Variants in ADGRB3 observed in about 807,000 individuals in gnomAD.
ADGRB3 encodes the protein brain-specific angiogenesis inhibitor 3.
In ADGRB3, 37 loss-of-function variants were observed where a neutral mutation model predicts 193.4. The observed-to-expected ratio is 0.19, with a 90% CI of 0.15 to 0.25. The LOEUF is 0.25. Ranked by LOEUF, ADGRB3 falls within the 10% of genes least tolerant of loss-of-function variation. The pLI is 1.00. For synonymous variants in ADGRB3, 690 were observed against 644.2 expected, an observed-to-expected ratio of 1.07 and a Z score of -1.08; for missense variants, 1,637 against 1,852.9, an observed-to-expected ratio of 0.88 and a Z score of 2.14.
intron 17 of ADGRB3, among the ~76,000 whole-genome samples, chr6:69,184,377 A>G (rs1433243912): frequency 2.0e-5 from 3 of 152,110 alleles, no homozygotes; most frequent in African/African-American, 7.2e-5. Context: ...TCCAACGCTA[A>G]TAAAAGTCAA....
chr6:69,223,055 A>G (rs1245148447), intron 17 of ADGRB3, among the ~76,000 whole-genome samples: 2 of 152,226 alleles, frequency 1.3e-5, no homozygotes, highest in South Asian at 2.1e-4. Context: ...TTTTCTCTCT[A>G]CTACTAATAT....
In ADGRB3 at chr6:68,818,337, A is replaced by T. The variant is rs1767675830; in HGVS notation, c.758-112222A>T. On this transcript the variant is annotated intron_variant, in intron 3 of 31. Transcript: ENST00000370598. ...TCATTGCCCACCTCCATTAATGAGG[A>T]TTGAGGGATCCCAGAGCTGAAAGCA... Among the ~76,000 whole-genome samples the T allele has an allele frequency of 2.0e-5, 3 of 151,982 alleles. No individual in the cohort carries two copies. In the South Asian group the frequency reaches 6.2e-4, roughly 31 times the overall value.
rs751908348 is a variant in ADGRB3 at position 69,388,774 on chromosome 6, A to C, written c.4452A>C (p.Thr1484=). The C allele has an allele frequency of 6.2e-7, 1 of 1,613,568 alleles. No homozygotes were observed. The highest frequency in any genetic ancestry group is 1.1e-5 in the South Asian group (1 of 91,072). Reference sequence around the variant, plus strand: ...CCAGTGAATACCCGCATTACACCACAATCAATGTCTTAGACACAGAGGCAA... The same window carrying C: ...CCAGTGAATACCCGCATTACACCACCATCAATGTCTTAGACACAGAGGCAA... The part of the protein sequence containing the change: ...KNPSEYPHYT[T]INVLDTEAKD... The change falls in exon 32 of 32, where the codon ACA becomes ACC. Residue 1484 remains threonine, a synonymous_variant. Coordinates refer to ENST00000370598, the MANE Select transcript of ADGRB3 (RefSeq NM_001704.3).
chr6:69,108,714 C>A lies in ADGRB3; in HGVS notation c.2480+32676C>A, dbSNP rs149565665. On this transcript the variant is annotated intron_variant, in intron 17 of 31. Transcript: ENST00000370598. ...TAAAATCAGGTTGAGGCTTGGATGA[C>A]AGGCAAGAGTCATCCAGGAAAAGAT... Among the ~76,000 whole-genome samples, 411 of 152,142 alleles carry A rather than the reference C, an allele frequency of 2.7e-3. 2 individuals are homozygous for A. The highest frequency in any genetic ancestry group is 9.4e-3 in the African/African-American group (390 of 41,504).
chr6:69,283,038 A>T (rs1249244597), intron 20 of ADGRB3, among the ~76,000 whole-genome samples: 1 of 152,192 alleles, frequency 6.6e-6, no homozygotes, highest in Non-Finnish European at 1.5e-5. Context: ...GCAAAGGTGC[A>T]AAGGAAAAAA....
intron 3 of ADGRB3, among the ~76,000 whole-genome samples, chr6:68,801,088 A>C (rs1428377917): frequency 6.6e-6 from 1 of 152,224 alleles, no homozygotes; most frequent in African/African-American, 2.4e-5. Context: ...GGCTTAATTA[A>C]TATGTACAGC....
chr6:69,068,586 A>G (rs1448850791), intron 16 of ADGRB3, among the ~76,000 whole-genome samples: 1 of 152,180 alleles, frequency 6.6e-6, no homozygotes, highest in African/African-American at 2.4e-5. Flanking sequence ...TCTTTGAAGC[A>G]TATACATGTA....
At chr6:69,204,990 T>A (rs1765506092) in intron 17 of ADGRB3, among the ~76,000 whole-genome samples, 2 of 152,178 alleles carry the variant, frequency 1.3e-5, no homozygotes, top group African/African-American at 4.8e-5. Flanking sequence ...AAAGGCTGGA[T>A]TCATTTTATA....
At chr6:68,643,589 A>G (rs1157759208) in intron 3 of ADGRB3, among the ~76,000 whole-genome samples, 1 of 151,330 alleles carries the variant, frequency 6.6e-6, no homozygotes, top group Non-Finnish European at 1.5e-5. Flanking sequence ...CTTTGCACAT[A>G]CTGTACTTCT....
intron 26 of ADGRB3, among the ~76,000 whole-genome samples, chr6:69,351,560 C>T (rs185771041): frequency 1.6e-4 from 24 of 152,240 alleles, no homozygotes; most frequent in Admixed American, 1.0e-3. Flanking sequence ...CTTGAATTTA[C>T]TGGAGAATAT....
chr6:68,862,488 C>T (rs1333515437), intron 3 of ADGRB3, among the ~76,000 whole-genome samples: 1 of 152,190 alleles, frequency 6.6e-6, no homozygotes, highest in Non-Finnish European at 1.5e-5. Flanking sequence ...ACATACTCTC[C>T]TGCAATCTTC....
At chr6:69,113,076 C>T (rs1032701505) in intron 17 of ADGRB3, among the ~76,000 whole-genome samples, 3 of 152,144 alleles carry the variant, frequency 2.0e-5, no homozygotes, top group East Asian at 1.9e-4. Context: ...TTAAAGTATA[C>T]GAGAGGATGT....
intron 3 of ADGRB3, among the ~76,000 whole-genome samples, chr6:68,693,104 T>A (rs1176653320): frequency 1.3e-5 from 2 of 151,884 alleles, no homozygotes; most frequent in African/African-American, 4.8e-5. Context: ...ATGTGGTTGG[T>A]AGTGTGGAAA....
At chr6:68,827,305 CT>C (rs1215411441) in intron 3 of ADGRB3, among the ~76,000 whole-genome samples, 2 of 151,900 alleles carry the variant, frequency 1.3e-5, no homozygotes, top group African/African-American at 4.8e-5. Flanking sequence ...TGTAATTTGA[CT>C]GCAAAAAGGG....
At chr6:69,243,601 A>G (rs566922602) in intron 20 of ADGRB3, among the ~76,000 whole-genome samples, 77 of 152,148 alleles carry the variant, frequency 5.1e-4, no homozygotes, top group Non-Finnish European at 9.3e-4. Context: ...CATATCTTCA[A>G]TGCCTTTACT....
chr6:69,169,207 A>T (rs1438720785), intron 17 of ADGRB3, among the ~76,000 whole-genome samples: 1 of 152,112 alleles, frequency 6.6e-6, no homozygotes, highest in African/African-American at 2.4e-5. Context: ...ACAAATGCCC[A>T]CTTGTTATAA....
In ADGRB3 at chr6:69,183,531, A is replaced by T. The variant is rs191585857; in HGVS notation, c.2481-49759A>T. Among the ~76,000 whole-genome samples the T allele has an allele frequency of 3.9e-5, 6 of 152,240 alleles. No individual in the cohort carries two copies. The East Asian group carries it at 7.7e-4, about 20-fold the overall frequency. On this transcript the variant is annotated intron_variant, in intron 17 of 31. Transcript: ENST00000370598. ...AATTGCTAAATGCTCTAGACTGAAG[A>T]TTCTGGTACAGAGGTCCTTACCAAA...
chr6:69,247,954 C>G (rs891349273), intron 20 of ADGRB3, among the ~76,000 whole-genome samples: 5 of 152,072 alleles, frequency 3.3e-5, no homozygotes, highest in African/African-American at 1.2e-4. Context: ...GAAGAAAATA[C>G]TGAAGACTTA....
At chr6:68,819,804 T>C (rs1326293049) in intron 3 of ADGRB3, among the ~76,000 whole-genome samples, 1 of 152,108 alleles carries the variant, frequency 6.6e-6, no homozygotes, top group Non-Finnish European at 1.5e-5. Flanking sequence ...ACAACCACTT[T>C]GTAAATCTTC....
Sources: gnomAD v4.1 joint callset for allele counts (sites outside exome capture counted in the v4.1 genomes callset) on GRCh38, gnomAD v4.1.1 for gene constraint, MANE v1.5 for transcripts, NCBI Gene and HGNC (gene_info 2026-07-23, HGNC 2026-07-21) for gene names.